PXDN: variants seen among roughly 807,000 people sequenced by gnomAD.
PXDN encodes peroxidasin homolog.
PXDN carries 77 observed loss-of-function variants against 140.3 expected under a neutral mutation model. The observed-to-expected ratio is 0.55, with a 90% CI of 0.46 to 0.66. The LOEUF is 0.66. PXDN is among the 30% of genes least tolerant of loss of function. PXDN has a pLI of 0.00. For missense variants in PXDN, 1,838 were observed against 2,039.5 expected (o/e 0.90, Z 1.90); for synonymous variants, 911 against 857.4 (o/e 1.06, Z -1.09).
rs550784477 is a variant in PXDN, at chr2:1,716,440, G to GAAAAAAAAAAAAAAAAAA, written c.201-23324_201-23307dup. 6.9e-5 allele frequency among the ~76,000 whole-genome samples: 4 copies of GAAAAAAAAAAAAAAAAAA among 58,226 alleles called. No individual in the cohort carries two copies. In the East Asian group the frequency reaches 2.2e-3, roughly 33 times the overall value. 38.2% of individuals were successfully genotyped at this position (58,226 alleles called of 152,430 possible). On this transcript the variant is annotated intron_variant, in intron 1 of 22. Coordinates refer to ENST00000252804, the MANE Select transcript of PXDN (RefSeq NM_012293.3). The stretch of plus-strand genomic sequence containing the variant: ...GCAACAGAGTGAGACTCCATCTCAG[G>GAAAAAAAAAAAAAAAAAA]AAAAAAAAAAAAAAAAAAAAAAAAA...
rs1558496285 is a variant in PXDN at position 1,661,044 on chromosome 2, C to A, written c.1681-7G>T. The A allele has an allele frequency of 6.2e-7, 1 of 1,613,782 alleles. No individual in the cohort carries two copies. Among genetic ancestry groups the A allele is most frequent in the Non-Finnish European group, 8.5e-7 (1 of 1,179,758 alleles). On this transcript the variant is annotated splice_polypyrimidine_tract_variant and splice_region_variant and intron_variant, in intron 13 of 22. Transcript: ENST00000252804. Reference sequence around the variant, plus strand: ...CTGTCACCTGAACCCCATCCTGGAGCAAAACAGAATGAAAACAGTATTAGA... The same window carrying A: ...CTGTCACCTGAACCCCATCCTGGAGAAAAACAGAATGAAAACAGTATTAGA...
intron 9 of PXDN, among the ~76,000 whole-genome samples, chr2:1,667,842 A>C (rs549335872): frequency 1.3e-5 from 2 of 152,270 alleles, no homozygotes; most frequent in Non-Finnish European, 2.9e-5. Flanking sequence ...GCTCATGGAC[A>C]GGAAGAATCA....
At chr2:1,743,788 A>C (rs1189650281) in intron 1 of PXDN, among the ~76,000 whole-genome samples, 2 of 100,352 alleles carry the variant, frequency 2.0e-5, no homozygotes, top group East Asian at 6.6e-4. Context: ...GGCTGGGAGG[A>C]CGGAGGGGGC....
At position 1,660,485 on chromosome 2, in the gene PXDN, G is replaced by A. The variant is rs1291065450; in HGVS notation, c.1837+396C>T. 7.9e-5 allele frequency among the ~76,000 whole-genome samples: 12 copies of A among 152,210 alleles called. No individual in the cohort carries two copies. The East Asian group carries it at 9.6e-4, about 12-fold the overall frequency. On this transcript the variant is annotated intron_variant, in intron 14 of 22. Transcript: ENST00000252804. The surrounding 1 kb of genome is among the most constrained non-coding windows in gnomAD (Gnocchi z 4.6). ...GCCAAAGCCCGAGGAGAGAGAAACC[G>A]CAGCTAAGGAATCAGAATCTCTTCA...
chr2:1,640,634 C>T (rs17038953), intron 19 of PXDN, among the ~76,000 whole-genome samples: 3,131 of 152,306 alleles, frequency 0.021, 97 homozygotes, highest in African/African-American at 0.071. Context: ...ACCCACAAAT[C>T]GTCTCAGGAG....
chr2:1,730,613 G>C (rs1424732862), intron 1 of PXDN, among the ~76,000 whole-genome samples: 1 of 152,186 alleles, frequency 6.6e-6, no homozygotes, highest in Non-Finnish European at 1.5e-5. Context: ...GTTTACATCT[G>C]AGTAAAACCA....
intron 1 of PXDN, among the ~76,000 whole-genome samples, chr2:1,743,696 AGG>A (rs372008252): frequency 1.0e-3 from 39 of 38,368 alleles, no homozygotes; most frequent in East Asian, 2.3e-3. Context: ...GAGGAGGAGG[AGG>A]AAGGGGAGGA....
At chr2:1,683,524 C>A (rs1572156621) in intron 6 of PXDN, 132 bp downstream of exon 6, 1 of 837,926 alleles carries the variant, frequency 1.2e-6, no homozygotes. Context: ...AATCCACCCT[C>A]CATATATTCT....
At chr2:1,641,033 G>A (rs1221724150) in intron 19 of PXDN, among the ~76,000 whole-genome samples, 1 of 152,200 alleles carries the variant, frequency 6.6e-6, no homozygotes, top group Non-Finnish European at 1.5e-5. Flanking sequence ...GGCTGGCCAA[G>A]CCAGGAGCAG....
chr2:1,738,039 T>C (rs1436709466), intron 1 of PXDN, among the ~76,000 whole-genome samples: 1 of 152,154 alleles, frequency 6.6e-6, no homozygotes, highest in Non-Finnish European at 1.5e-5. Context: ...CATCCAGCCT[T>C]GATCCTGAGG....
At chr2:1,739,645 T>C (rs1320047624) in intron 1 of PXDN, among the ~76,000 whole-genome samples, 2 of 152,140 alleles carry the variant, frequency 1.3e-5, no homozygotes, top group Non-Finnish European at 2.9e-5. Context: ...GATGGCAAAC[T>C]GGACATCCCA....
At position 1,639,074 on chromosome 2, in the gene PXDN, G is replaced by A. The variant is rs1682649626; in HGVS notation, c.4074-96C>T. 1.5e-5 allele frequency: 2 copies of A among 134,516 alleles called. No homozygotes were observed. The highest frequency in any genetic ancestry group is 1.9e-5 in the Non-Finnish European group (2 of 107,802). The allele number at this position is 134,516 out of a possible 1,614,324, so 8.3% of individuals were successfully genotyped here. A position where few individuals can be genotyped will look rare whatever the true frequency, so the allele number is the denominator to read the frequency against. On this transcript the variant is annotated intron_variant, in intron 20 of 22. Coordinates refer to ENST00000252804, the MANE Select transcript of PXDN (RefSeq NM_012293.3). This position sits in a 1 kb window ranked among gnomAD's most constrained non-coding sequence, Gnocchi z 5.0. Reference sequence around the variant, plus strand: ...TTCCTGGGTGTGCACCGCCCCTGATGCTCTGAGCTGGGTCTCATTTCAAGG... The same window carrying A: ...TTCCTGGGTGTGCACCGCCCCTGATACTCTGAGCTGGGTCTCATTTCAAGG...
chr2:1,673,573 A>C lies in PXDN; in HGVS notation c.1018+70T>G. The C allele has an allele frequency of 4.0e-6, 6 of 1,516,778 alleles. No homozygotes were observed. In the South Asian group the frequency reaches 7.6e-5, roughly 19 times the overall value. 94.0% of individuals were successfully genotyped at this position (1,516,778 alleles called of 1,614,324 possible). A position where few individuals can be genotyped will look rare whatever the true frequency, so the allele number is the denominator to read the frequency against. ...TTCATTCTTATTTTGGGGTGCAAGGAAAGGAGAAGGCAGATAGTGAGGGAC... is the reference window on the plus strand; with the variant it reads ...TTCATTCTTATTTTGGGGTGCAAGGCAAGGAGAAGGCAGATAGTGAGGGAC... On this transcript the variant is annotated intron_variant, in intron 9 of 22. Coordinates refer to ENST00000252804, the MANE Select transcript of PXDN (RefSeq NM_012293.3).
rs1682667142 is a variant in PXDN, at chr2:1,639,604, G to A, written c.3953-182C>T. 6.6e-6 allele frequency among the ~76,000 whole-genome samples: 1 copy of A among 152,174 alleles called. No homozygotes were observed. On this transcript the variant is annotated intron_variant, in intron 19 of 22. Coordinates refer to ENST00000252804, the MANE Select transcript of PXDN (RefSeq NM_012293.3). This position sits in a 1 kb window ranked among gnomAD's most constrained non-coding sequence, Gnocchi z 5.0. ...ACCCTCTCCTGGTCTGAGGGGCCAAGCCTCTCTCCACCTGTGCCCCAGCCC... is the reference window on the plus strand; with the variant it reads ...ACCCTCTCCTGGTCTGAGGGGCCAAACCTCTCTCCACCTGTGCCCCAGCCC...
At chr2:1,682,948 G>T (rs1326521436) in intron 6 of PXDN, among the ~76,000 whole-genome samples, 1 of 152,136 alleles carries the variant, frequency 6.6e-6, no homozygotes, top group Non-Finnish European at 1.5e-5. Context: ...TCAAAAAAAA[G>T]GGTAAAGATC....
intron 17 of PXDN, among the ~76,000 whole-genome samples, chr2:1,645,171 G>C (rs1682822213): frequency 6.6e-6 from 1 of 152,042 alleles, no homozygotes; most frequent in Non-Finnish European, 1.5e-5. Context: ...ATTTTTAAAA[G>C]TATATACATT....
At position 1,649,416 on chromosome 2, in the gene PXDN, G is replaced by A. The variant is rs1029400373; in HGVS notation, c.2364C>T (p.Asn788=). The A allele has an allele frequency of 8.7e-6, 14 of 1,613,862 alleles. No homozygotes were observed. The African/African-American group carries it at 1.2e-4, about 14-fold the overall frequency. ...PRGINPHRLY[N]GHALPMPRLV... is the part of the protein sequence containing the mutation. ...GGCGCGGCATGGGAAGGGCGTGCCC[G>A]TTGTACAGTCGGTGGGGGTTGATGC... The change falls in exon 17 of 23, where the codon AAC becomes AAT. Residue 788 remains asparagine, a synonymous_variant. Transcript: ENST00000252804. The surrounding 1 kb of genome is among the most constrained non-coding windows in gnomAD (Gnocchi z 7.1).
At chr2:1,673,505 T>G in intron 9 of PXDN, 138 bp downstream of exon 9, 1 of 1,218,706 alleles carries the variant, frequency 8.2e-7, no homozygotes, top group Non-Finnish European at 1.2e-6. Context: ...GAAAGCTTTC[T>G]GAGCCAACCC....
intron 9 of PXDN, among the ~76,000 whole-genome samples, chr2:1,672,989 T>A (rs948044091): frequency 1.3e-5 from 2 of 152,134 alleles, no homozygotes; most frequent in Non-Finnish European, 2.9e-5. Flanking sequence ...CTGTATCATT[T>A]CCCAGAGCCA....
Sources: allele counts gnomAD v4.1 joint callset (sites outside exome capture counted in the v4.1 genomes callset), GRCh38; gene constraint gnomAD v4.1.1; non-coding constraint Gnocchi (gnomAD v3.1); transcripts MANE v1.5; gene names NCBI Gene and HGNC (gene_info 2026-07-23, HGNC 2026-07-21).